SEMA3E: variants seen among roughly 807,000 people sequenced by gnomAD.
SEMA3E encodes the protein semaphorin-3E.
Under a neutral mutation model 93.6 loss-of-function variants are expected in SEMA3E, and 49 were observed. The observed-to-expected ratio is 0.52, with a 90% CI of 0.42 to 0.66. The LOEUF (loss-of-function observed/expected upper bound fraction) is 0.66. Among genes scored for constraint, SEMA3E ranks in the 30% least tolerant of loss-of-function variants. SEMA3E has a pLI of 0.00. For synonymous variants in SEMA3E, 363 were observed against 330.7 expected (o/e 1.10, Z -1.06); for missense variants, 906 against 964.8 (o/e 0.94, Z 0.81).
In SEMA3E at chr7:83,406,070, CA is replaced by C. The variant is rs1788323470; in HGVS notation, c.814-12del. Reference sequence around the variant, plus strand: ...CCCTCCTACATCATTCTGTGAAAACCAAAAAGGAGGTAAATAGTTACCTAAA... The same window carrying C: ...CCCTCCTACATCATTCTGTGAAAACCAAAAGGAGGTAAATAGTTACCTAAA... On this transcript the variant is annotated splice_polypyrimidine_tract_variant and intron_variant, in intron 7 of 16. Coordinates refer to ENST00000643230, the MANE Select transcript of SEMA3E (RefSeq NM_012431.3). 1 of 1,574,156 alleles carries C rather than the reference CA, an allele frequency of 6.4e-7. No individual in the cohort carries two copies. Among genetic ancestry groups the C allele is most frequent in the East Asian group, 2.2e-5 (1 of 44,602 alleles).
At chr7:83,556,805 A>G (rs1474154812) in intron 1 of SEMA3E, among the ~76,000 whole-genome samples, 2 of 152,180 alleles carry the variant, frequency 1.3e-5, no homozygotes, top group African/African-American at 4.8e-5. Context: ...TTAGGTCATG[A>G]GGGTTCTGCC....
At chr7:83,528,234 T>C (rs1791204624) in intron 1 of SEMA3E, among the ~76,000 whole-genome samples, 1 of 152,126 alleles carries the variant, frequency 6.6e-6, no homozygotes, top group Non-Finnish European at 1.5e-5. Flanking sequence ...GAAGCATTTC[T>C]AACTTGGGAA....
intron 1 of SEMA3E, among the ~76,000 whole-genome samples, chr7:83,567,439 A>G (rs1032630440): frequency 6.6e-6 from 1 of 152,174 alleles, no homozygotes; most frequent in Non-Finnish European, 1.5e-5. Flanking sequence ...TTCATCCAAC[A>G]GCTACAAAAT....
intron 1 of SEMA3E, among the ~76,000 whole-genome samples, chr7:83,505,830 A>G (rs1790691922): frequency 6.6e-6 from 1 of 151,780 alleles, no homozygotes; most frequent in South Asian, 2.1e-4. Flanking sequence ...CCTGGCTAAC[A>G]TGGTGAAACC....
intron 4 of SEMA3E, among the ~76,000 whole-genome samples, chr7:83,444,706 T>C (rs1015611638): frequency 1.3e-4 from 20 of 151,790 alleles, no homozygotes; most frequent in African/African-American, 4.6e-4. Context: ...AGTCTCATTT[T>C]GTCACCCATG....
chr7:83,552,769 C>G (rs1217542178), intron 1 of SEMA3E, among the ~76,000 whole-genome samples: 3 of 152,054 alleles, frequency 2.0e-5, no homozygotes, highest in Non-Finnish European at 4.4e-5. Context: ...AAAACTCCAC[C>G]CTGGCAAATT....
At chr7:83,563,311 A>C (rs1162218161) in intron 1 of SEMA3E, among the ~76,000 whole-genome samples, 1 of 152,232 alleles carries the variant, frequency 6.6e-6, no homozygotes, top group Non-Finnish European at 1.5e-5. Flanking sequence ...GAGAAATAGC[A>C]TTCAACAAAA....
chr7:83,579,631 A>T (rs1196887971), intron 1 of SEMA3E, among the ~76,000 whole-genome samples: 1 of 152,138 alleles, frequency 6.6e-6, no homozygotes, highest in Admixed American at 6.6e-5. Flanking sequence ...TCAATGCAAA[A>T]TGGCTTGTAC....
chr7:83,524,297 C>T (rs1025938485), intron 1 of SEMA3E, among the ~76,000 whole-genome samples: 1 of 152,096 alleles, frequency 6.6e-6, no homozygotes, highest in Non-Finnish European at 1.5e-5. Flanking sequence ...CAGTCTTCTT[C>T]AGCAGATAAA....
chr7:83,577,217 CAGAT>C lies in SEMA3E; in HGVS notation c.115+71207_115+71210del, dbSNP rs561215245. Among the ~76,000 whole-genome samples the C allele has an allele frequency of 3.1e-3, 475 of 152,166 alleles. 2 individuals are homozygous for C. Among genetic ancestry groups the C allele is most frequent in the Non-Finnish European group, 4.1e-3 (281 of 68,002 alleles). On this transcript the variant is annotated intron_variant, in intron 1 of 16. Transcript: ENST00000643230. ...ACCTGTATGACAGATTAGAGATAAACAGATAGATAGATAGACAGATCGACCAATT... is the reference window on the plus strand; with the variant it reads ...ACCTGTATGACAGATTAGAGATAAACAGATAGATAGACAGATCGACCAATT...
intron 1 of SEMA3E, among the ~76,000 whole-genome samples, chr7:83,621,623 T>A (rs996364910): frequency 5.3e-5 from 8 of 152,174 alleles, no homozygotes; most frequent in African/African-American, 1.9e-4. Flanking sequence ...CAAAACACCA[T>A]GGTACTGGTA....
intron 4 of SEMA3E, among the ~76,000 whole-genome samples, chr7:83,431,856 G>A (rs1206590630): frequency 1.3e-5 from 2 of 151,918 alleles, no homozygotes; most frequent in Non-Finnish European, 2.9e-5. Context: ...GTGGCTGATT[G>A]TATTTTCCAG....
rs1021524368 is a variant in SEMA3E at position 83,402,636 on chromosome 7, C to G, written c.1139G>C (p.Gly380Ala). The G allele has an allele frequency of 6.2e-7, 1 of 1,611,908 alleles. No individual in the cohort carries two copies. Among genetic ancestry groups the G allele is most frequent in the South Asian group, 1.1e-5 (1 of 91,030 alleles). ...YEGKVPYPRP[G>A]SCASKVNGGR... is the part of the protein sequence containing the mutation. Reference sequence around the variant, plus strand: ...TTGTTATATAACTAAACTTACAGAACCAGGCCTTGGATAAGGGACTTTTCC... The same window carrying G: ...TTGTTATATAACTAAACTTACAGAAGCAGGCCTTGGATAAGGGACTTTTCC... Residue 380 changes from glycine (G) to alanine (A), a missense_variant, in exon 10 of 17, where the codon GGT (glycine) becomes GCT (alanine). Physicochemically the swap from Gly to Ala is moderately conservative, Grantham distance 60 (BLOSUM62 0). Coordinates refer to ENST00000643230, the MANE Select transcript of SEMA3E (RefSeq NM_012431.3).
intron 1 of SEMA3E, among the ~76,000 whole-genome samples, chr7:83,525,620 G>A (rs963417157): frequency 2.0e-5 from 3 of 151,276 alleles, no homozygotes; most frequent in African/African-American, 4.9e-5. Flanking sequence ...ATTCTTCTTC[G>A]CATACTTTTA....
At chr7:83,525,203 T>G (rs1791130038) in intron 1 of SEMA3E, among the ~76,000 whole-genome samples, 2 of 152,242 alleles carry the variant, frequency 1.3e-5, no homozygotes, top group South Asian at 4.1e-4. Context: ...CCTCCTGGAT[T>G]TTAGAGTTGA....
chr7:83,564,289 C>T (rs73380735), intron 1 of SEMA3E, among the ~76,000 whole-genome samples: 4,220 of 152,120 alleles, frequency 0.028, 215 homozygotes, highest in African/African-American at 0.096. Context: ...CTTGGTAGCA[C>T]GTGCCTGTTA....
intron 1 of SEMA3E, among the ~76,000 whole-genome samples, chr7:83,569,004 C>T (rs1792219405): frequency 6.6e-6 from 1 of 151,834 alleles, no homozygotes; most frequent in Non-Finnish European, 1.5e-5. Context: ...AAAAAACCTC[C>T]TAGATCTGAA....
At chr7:83,570,202 T>C (rs945066822) in intron 1 of SEMA3E, among the ~76,000 whole-genome samples, 3 of 152,068 alleles carry the variant, frequency 2.0e-5, no homozygotes, top group Non-Finnish European at 2.9e-5. Context: ...TACCAATATA[T>C]TTGGGATGCA....
At chr7:83,575,694 T>C (rs1022702294) in intron 1 of SEMA3E, among the ~76,000 whole-genome samples, 1 of 152,222 alleles carries the variant, frequency 6.6e-6, no homozygotes, top group African/African-American at 2.4e-5. Flanking sequence ...CCCTTCTTTC[T>C]GAACACCAAA....
Sources: allele counts gnomAD v4.1 joint callset (sites outside exome capture counted in the v4.1 genomes callset), GRCh38; gene constraint gnomAD v4.1.1; transcripts MANE v1.5; gene names NCBI Gene and HGNC (gene_info 2026-07-23, HGNC 2026-07-21).